The following RGS7 variants were observed in gnomAD, a reference collection of about 807,000 sequenced individuals.
RGS7 encodes regulator of G protein signaling 7.
RGS7 carries 27 observed loss-of-function variants against 81.1 expected under a neutral mutation model. The observed-to-expected ratio is 0.33, with a 90% CI of 0.25 to 0.46. The LOEUF is 0.46. Ranked by LOEUF, RGS7 falls within the 20% of genes least tolerant of loss-of-function variation. The pLI, the probability that RGS7 is intolerant of heterozygous loss-of-function variation, is 1.00. For missense variants in RGS7, 396 were observed against 607.4 expected (o/e 0.65, Z 3.66); for synonymous variants, 208 against 207.7 (o/e 1.00, Z -0.01).
At chr1:240,956,021 C>T (rs1680353768) in intron 4 of RGS7, among the ~76,000 whole-genome samples, 2 of 152,152 alleles carry the variant, frequency 1.3e-5, no homozygotes, top group African/African-American at 4.8e-5. Context: ...ACCTTACATA[C>T]CAGGATGAGT....
intron 2 of RGS7, among the ~76,000 whole-genome samples, chr1:241,332,136 G>A (rs995497119): frequency 1.3e-5 from 2 of 152,120 alleles, no homozygotes; most frequent in Non-Finnish European, 2.9e-5. Context: ...ATCATGCAAG[G>A]AACAGTAATG....
At chr1:241,052,451 G>A (rs892582454) in intron 3 of RGS7, among the ~76,000 whole-genome samples, 2 of 152,062 alleles carry the variant, frequency 1.3e-5, no homozygotes, top group African/African-American at 4.8e-5. Context: ...AGCAGTATGG[G>A]AAGGCACGGC....
intron 3 of RGS7, among the ~76,000 whole-genome samples, chr1:241,098,029 C>T (rs1350018720): frequency 6.6e-6 from 1 of 152,204 alleles, no homozygotes; most frequent in African/African-American, 2.4e-5. Flanking sequence ...ACAGCCTTAC[C>T]CTTGTCACAG....
chr1:241,064,698 C>A (rs1486727308), intron 3 of RGS7, among the ~76,000 whole-genome samples: 1 of 151,796 alleles, frequency 6.6e-6, no homozygotes, highest in Non-Finnish European at 1.5e-5. Flanking sequence ...AAGTTCCAGA[C>A]CAGTCGGGCA....
intron 3 of RGS7, among the ~76,000 whole-genome samples, chr1:241,047,875 G>T (rs2148794636): frequency 6.6e-6 from 1 of 151,910 alleles, no homozygotes; most frequent in Middle Eastern, 3.4e-3. Flanking sequence ...TAGTAGCTGG[G>T]ATTACAAGCG....
chr1:241,103,954 A>G (rs551693272), intron 2 of RGS7, among the ~76,000 whole-genome samples: 17 of 152,238 alleles, frequency 1.1e-4, no homozygotes, highest in Non-Finnish European at 2.2e-4. Flanking sequence ...TTTAGTTTCA[A>G]TGCAAGACGT....
intron 3 of RGS7, among the ~76,000 whole-genome samples, chr1:241,073,153 A>G (rs1174061932): frequency 6.6e-6 from 1 of 152,120 alleles, no homozygotes; most frequent in African/African-American, 2.4e-5. Context: ...CTGCTCTTCC[A>G]TCACTTCCCT....
chr1:240,795,290 G>T (rs1286253186), intron 18 of RGS7, among the ~76,000 whole-genome samples: 3 of 152,076 alleles, frequency 2.0e-5, no homozygotes, highest in Non-Finnish European at 2.9e-5. Flanking sequence ...TTTCAACAGT[G>T]TCTTAAAAAA....
intron 3 of RGS7, among the ~76,000 whole-genome samples, chr1:240,991,599 A>G (rs1686469139): frequency 6.6e-6 from 1 of 152,234 alleles, no homozygotes; most frequent in Non-Finnish European, 1.5e-5. Flanking sequence ...AAAAATCAAG[A>G]GAAGACTAAG....
At chr1:240,990,433 T>C (rs1686295395) in intron 3 of RGS7, among the ~76,000 whole-genome samples, 1 of 152,144 alleles carries the variant, frequency 6.6e-6, no homozygotes. Context: ...TAAAGCAGAG[T>C]AGGAATACAT....
intron 2 of RGS7, among the ~76,000 whole-genome samples, chr1:241,200,246 T>C (rs942651918): frequency 3.3e-5 from 5 of 152,164 alleles, no homozygotes; most frequent in African/African-American, 1.2e-4. Flanking sequence ...ATTTAAATAT[T>C]ACCTTACTTT....
chr1:241,025,940 T>A (rs1469300963), intron 3 of RGS7, among the ~76,000 whole-genome samples: 1 of 152,214 alleles, frequency 6.6e-6, no homozygotes, highest in Non-Finnish European at 1.5e-5. Flanking sequence ...GTCTAAATCT[T>A]CATGCTGTTC....
intron 2 of RGS7, among the ~76,000 whole-genome samples, chr1:241,289,815 G>A (rs1323930504): frequency 6.6e-6 from 1 of 152,100 alleles, no homozygotes; most frequent in Non-Finnish European, 1.5e-5. Context: ...GAGGGAAGAT[G>A]GAGGGAGAGC....
chr1:240,803,270 AC>A (rs958149702), intron 15 of RGS7, among the ~76,000 whole-genome samples: 3 of 152,158 alleles, frequency 2.0e-5, no homozygotes, highest in African/African-American at 7.2e-5. Context: ...TCATAAAATT[AC>A]CTCAAATCAA....
chr1:241,167,280 C>T (rs2070337990), intron 2 of RGS7, among the ~76,000 whole-genome samples: 2 of 152,118 alleles, frequency 1.3e-5, no homozygotes, highest in Non-Finnish European at 2.9e-5. Flanking sequence ...TGGCCGGGGG[C>T]AGACTGAAGC....
intron 6 of RGS7, chr1:240,920,142 C>A: frequency 1.1e-6 from 1 of 948,326 alleles, no homozygotes; most frequent in Non-Finnish European, 1.7e-6. Context: ...GACGGTCATT[C>A]AGAAATACCA....
intron 2 of RGS7, among the ~76,000 whole-genome samples, chr1:241,229,746 T>A (rs1403588175): frequency 1.3e-5 from 2 of 152,190 alleles, no homozygotes. Context: ...GGCCACACCG[T>A]CAGGGGAGAG....
chr1:240,950,425 C>G (rs1197157633), intron 4 of RGS7, among the ~76,000 whole-genome samples: 2 of 152,186 alleles, frequency 1.3e-5, no homozygotes, highest in African/African-American at 4.8e-5. Flanking sequence ...ACAGTCCCCT[C>G]TAGACTTTGT....
intron 3 of RGS7, among the ~76,000 whole-genome samples, chr1:241,066,618 T>TAGATGAGCCAA (rs2148851977): frequency 6.6e-6 from 1 of 151,882 alleles, no homozygotes; most frequent in East Asian, 1.9e-4. Context: ...CCCATCTCTT[T>TAGATGAGCCAA]AGATGAGCCC....
Sources: allele counts gnomAD v4.1 joint callset (sites outside exome capture counted in the v4.1 genomes callset), GRCh38; gene constraint gnomAD v4.1.1; transcripts MANE v1.5; gene names NCBI Gene and HGNC (gene_info 2026-07-23, HGNC 2026-07-21).